Variants in PARD3B observed in about 807,000 individuals in gnomAD.
PARD3B encodes par-3 family cell polarity regulator beta.
PARD3B carries 103 observed loss-of-function variants against 130.2 expected under a neutral mutation model. That is an observed-to-expected ratio of 0.79 (90% confidence interval 0.67 to 0.93). The LOEUF (loss-of-function observed/expected upper bound fraction) is 0.93. Among genes scored for constraint, PARD3B ranks in the 40% least tolerant of loss-of-function variants. The probability of loss-of-function intolerance (pLI) is 0.00; values close to 1 mark genes in which losing one functional copy is unlikely to be tolerated. For missense variants in PARD3B, 1,609 were observed against 1,499.2 expected (o/e 1.07, Z -1.21); for synonymous variants, 583 against 553.2 (o/e 1.05, Z -0.76).
chr2:205,216,196 G>A (rs993851143), intron 15 of PARD3B, among the ~76,000 whole-genome samples: 10 of 152,184 alleles, frequency 6.6e-5, no homozygotes, highest in South Asian at 2.1e-4. Context: ...CTATAGTAAC[G>A]TGCTCTATGG....
chr2:205,369,632 C>G (rs1299371748), intron 18 of PARD3B, among the ~76,000 whole-genome samples: 1 of 152,186 alleles, frequency 6.6e-6, no homozygotes, highest in Non-Finnish European at 1.5e-5. Flanking sequence ...TTTTTCAAGA[C>G]CCAGGTCAAG....
intron 6 of PARD3B, among the ~76,000 whole-genome samples, chr2:205,115,325 T>C (rs1034349502): frequency 6.6e-6 from 1 of 152,160 alleles, no homozygotes; most frequent in Non-Finnish European, 1.5e-5. Flanking sequence ...CCCAGTGTTC[T>C]TTTTTATAAC....
At chr2:204,924,105 T>C (rs1022536595) in intron 2 of PARD3B, among the ~76,000 whole-genome samples, 34 of 152,162 alleles carry the variant, frequency 2.2e-4, no homozygotes, top group African/African-American at 7.9e-4. Context: ...AATCAGATCT[T>C]ATGAGTCTTG....
intron 18 of PARD3B, among the ~76,000 whole-genome samples, chr2:205,343,767 G>A (rs929035722): frequency 6.6e-6 from 1 of 151,212 alleles, no homozygotes; most frequent in Non-Finnish European, 1.5e-5. Flanking sequence ...TCTGCCCCCT[G>A]CCTTCCTTAC....
intron 1 of PARD3B, among the ~76,000 whole-genome samples, chr2:204,643,115 C>CAAAAAAAAAAAA (rs71029202): frequency 0.011 from 339 of 31,786 alleles, 47 homozygotes; most frequent in African/African-American, 0.031. Flanking sequence ...CTCTGTCTCA[C>CAAAAAAAAAAAA]AAAAAAAAAA....
chr2:205,280,380 C>T lies in PARD3B; in HGVS notation c.2186-20150C>T, dbSNP rs2041142169. ...CTTTCAAAATTACTTTTTCTCTTTT[C>T]AATGGAATTCACGACTGTTCTTGGT... On this transcript the variant is annotated intron_variant, in intron 16 of 22. Coordinates refer to ENST00000406610, the MANE Select transcript of PARD3B (RefSeq NM_001302769.2). The surrounding 1 kb of genome is among the most constrained non-coding windows in gnomAD (Gnocchi z 4.7). Among the ~76,000 whole-genome samples, 1 of 152,164 alleles carries T rather than the reference C, an allele frequency of 6.6e-6. No individual in the cohort carries two copies. Among genetic ancestry groups the T allele is most frequent in the South Asian group, 2.1e-4 (1 of 4,824 alleles).
intron 18 of PARD3B, among the ~76,000 whole-genome samples, chr2:205,303,669 G>A (rs2042090669): frequency 6.6e-6 from 1 of 152,078 alleles, no homozygotes; most frequent in African/African-American, 2.4e-5. Flanking sequence ...CACCAGCTCT[G>A]GGCCTCCTCA....
chr2:205,340,020 C>T (rs984966103), intron 18 of PARD3B, among the ~76,000 whole-genome samples: 1 of 152,092 alleles, frequency 6.6e-6, no homozygotes, highest in Non-Finnish European at 1.5e-5. Context: ...AGAGATCTTC[C>T]TTATTCTAAG....
chr2:204,960,629 T>C (rs1413598291), intron 2 of PARD3B, among the ~76,000 whole-genome samples: 1 of 152,176 alleles, frequency 6.6e-6, no homozygotes, highest in Non-Finnish European at 1.5e-5. Context: ...TTGTGTTAGG[T>C]TTTAGTATCT....
At chr2:204,770,974 G>A (rs1357503210) in intron 2 of PARD3B, among the ~76,000 whole-genome samples, 2 of 152,072 alleles carry the variant, frequency 1.3e-5, no homozygotes, top group African/African-American at 4.8e-5. Flanking sequence ...TTGGGAGAAG[G>A]AGAAAGGTTC....
At chr2:204,764,871 G>A (rs548282030) in intron 2 of PARD3B, among the ~76,000 whole-genome samples, 49 of 151,900 alleles carry the variant, frequency 3.2e-4, no homozygotes, top group Non-Finnish European at 4.7e-4. Context: ...TCCCTCCTGC[G>A]CTGGCTCTTA....
At chr2:204,888,006 G>A (rs768728053) in intron 2 of PARD3B, among the ~76,000 whole-genome samples, 3 of 152,158 alleles carry the variant, frequency 2.0e-5, no homozygotes, top group Non-Finnish European at 4.4e-5. Flanking sequence ...CATTGGTGAA[G>A]TGTCAAGATG....
chr2:205,467,048 T>C (rs1250164879), intron 20 of PARD3B, among the ~76,000 whole-genome samples: 1 of 152,250 alleles, frequency 6.6e-6, no homozygotes, highest in East Asian at 1.9e-4. Flanking sequence ...GCTGCTGTCT[T>C]AATGTCTCTG....
intron 2 of PARD3B, among the ~76,000 whole-genome samples, chr2:204,707,614 GTGTT>G (rs1172667831): frequency 3.3e-5 from 5 of 152,136 alleles, no homozygotes; most frequent in South Asian, 2.1e-4. Flanking sequence ...GAATTATTGT[GTGTT>G]TGTGCATACA....
At chr2:204,775,212 G>A (rs1020773796) in intron 2 of PARD3B, among the ~76,000 whole-genome samples, 1 of 152,118 alleles carries the variant, frequency 6.6e-6, no homozygotes, top group African/African-American at 2.4e-5. Flanking sequence ...TAATACGTGA[G>A]CAATCAGGAA....
rs780982988 is a variant in PARD3B, at chr2:205,136,457, C to G, written c.1434+10720C>G. On this transcript the variant is annotated intron_variant, in intron 10 of 22. Transcript: ENST00000406610. ...TAGAGAAAGATATCAGCTCTGAGAA[C>G]AGCAAAGCTGCCTATGCTATGCATT... Among the ~76,000 whole-genome samples the G allele has an allele frequency of 8.5e-5, 13 of 152,192 alleles. No individual in the cohort carries two copies. The South Asian group carries it at 1.7e-3, about 19-fold the overall frequency.
chr2:205,112,386 G>A (rs1209996658), intron 5 of PARD3B, among the ~76,000 whole-genome samples: 2 of 151,950 alleles, frequency 1.3e-5, no homozygotes, highest in South Asian at 2.1e-4. Context: ...AGAATACTTC[G>A]TGCAGAGTGA....
chr2:204,587,277 A>G (rs1385915610), intron 1 of PARD3B, among the ~76,000 whole-genome samples: 2 of 152,228 alleles, frequency 1.3e-5, no homozygotes, highest in African/African-American at 4.8e-5. Context: ...AGAAAGATAA[A>G]GAACTATTTT....
Position 205,307,972 on chromosome 2 carries a change from A to G in PARD3B, c.2630+6271A>G, listed in dbSNP as rs1281286123. ...TCCTAAGAGGAATTATGCCTTGCAA[A>G]CTCCTTTTTACTAGACTAATGAAGA... is the stretch of plus-strand genomic sequence containing the variant. On this transcript the variant is annotated intron_variant, in intron 18 of 22. Transcript: ENST00000406610. Among the ~76,000 whole-genome samples the G allele has an allele frequency of 1.3e-5, 2 of 152,026 alleles. 1 individual carries two copies. Among genetic ancestry groups the G allele is most frequent in the Admixed American group, 1.3e-4 (2 of 15,260 alleles).
Sources: gnomAD v4.1 joint callset for allele counts (sites outside exome capture counted in the v4.1 genomes callset) on GRCh38, gnomAD v4.1.1 for gene constraint, Gnocchi (gnomAD v3.1) non-coding constraint, MANE v1.5 for transcripts, NCBI Gene and HGNC (gene_info 2026-07-23, HGNC 2026-07-21) for gene names.